Variants in VPS13B observed in about 807,000 individuals in gnomAD.
The protein encoded by VPS13B is intermembrane lipid transfer protein VPS13B.
Under a neutral mutation model 426.4 loss-of-function variants are expected in VPS13B, and 285 were observed. The observed-to-expected ratio is 0.67, with a 90% CI of 0.61 to 0.74. The LOEUF is 0.74. Ranked by LOEUF, VPS13B falls within the 30% of genes least tolerant of loss-of-function variation. The pLI is 0.00. For synonymous variants in VPS13B, 1,676 were observed against 1,676.4 expected, an observed-to-expected ratio of 1.00 and a Z score of 0.01; for missense variants, 4,537 against 4,782.6, an observed-to-expected ratio of 0.95 and a Z score of 1.51.
At chr8:99,633,731 C>T (rs1178592370) in intron 33 of VPS13B, among the ~76,000 whole-genome samples, 2 of 151,114 alleles carry the variant, frequency 1.3e-5, no homozygotes, top group East Asian at 1.9e-4. Flanking sequence ...ACATCATGGC[C>T]ATTTCAAAGC....
intron 21 of VPS13B, among the ~76,000 whole-genome samples, chr8:99,416,283 G>A (rs779568040): frequency 7.2e-5 from 11 of 152,150 alleles, no homozygotes; most frequent in Non-Finnish European, 7.3e-5. Context: ...AAGCTCCAGA[G>A]TTCCAGCTTG....
At chr8:99,249,015 C>T (rs193232904) in intron 17 of VPS13B, among the ~76,000 whole-genome samples, 232 of 152,270 alleles carry the variant, frequency 1.5e-3, no homozygotes, top group African/African-American at 5.1e-3. Context: ...AAAAATACCC[C>T]ATAGCTTCTA....
chr8:99,120,541 T>A (rs1847886053), intron 7 of VPS13B: 1 of 152,198 alleles, frequency 6.6e-6, no homozygotes, highest in South Asian at 2.1e-4. Flanking sequence ...TTGGCTATAA[T>A]TTTTTCAGCT....
At chr8:99,419,346 C>T (rs1472436469) in intron 21 of VPS13B, among the ~76,000 whole-genome samples, 1 of 152,180 alleles carries the variant, frequency 6.6e-6, no homozygotes, top group African/African-American at 2.4e-5. Flanking sequence ...GTCAATTAAA[C>T]CTCTTGTCTT....
intron 56 of VPS13B, among the ~76,000 whole-genome samples, chr8:99,857,281 C>T (rs1437835897): frequency 6.6e-6 from 1 of 152,212 alleles, no homozygotes; most frequent in Non-Finnish European, 1.5e-5. Flanking sequence ...TCTCTACGCC[C>T]ACGGCACCGA....
chr8:99,253,949 C>T (rs1817628544), intron 17 of VPS13B, among the ~76,000 whole-genome samples: 1 of 152,116 alleles, frequency 6.6e-6, no homozygotes, highest in Non-Finnish European at 1.5e-5. Context: ...TAACTCATTA[C>T]AGTTTACTGA....
At chr8:99,239,981 T>G (rs1816835899) in intron 17 of VPS13B, among the ~76,000 whole-genome samples, 2 of 152,190 alleles carry the variant, frequency 1.3e-5, no homozygotes, top group Admixed American at 1.3e-4. Flanking sequence ...TGTATCAGAT[T>G]AATGTAACTT....
At chr8:99,833,386 C>T (rs1186173203) in intron 52 of VPS13B, among the ~76,000 whole-genome samples, 6 of 152,114 alleles carry the variant, frequency 3.9e-5, no homozygotes, top group East Asian at 1.9e-4. Context: ...TGATAAGTAC[C>T]TTATTTTCAT....
chr8:99,388,893 A>C (rs1209699236), intron 20 of VPS13B, among the ~76,000 whole-genome samples: 1 of 152,100 alleles, frequency 6.6e-6, no homozygotes, highest in African/African-American at 2.4e-5. Flanking sequence ...GCTCACGCCT[A>C]TAATCCCAGC....
intron 19 of VPS13B, among the ~76,000 whole-genome samples, chr8:99,315,515 G>A (rs920709121): frequency 3.3e-5 from 5 of 149,362 alleles, no homozygotes; most frequent in African/African-American, 1.2e-4. Flanking sequence ...TTTGGTAAAT[G>A]TCTCATTCAA....
chr8:99,156,275 T>C (rs1451769677), intron 14 of VPS13B, among the ~76,000 whole-genome samples: 2 of 152,190 alleles, frequency 1.3e-5, no homozygotes, highest in Non-Finnish European at 2.9e-5. Flanking sequence ...GTCGTGATAC[T>C]ATTCCAGTTG....
At chr8:99,343,815 T>C (rs552701699) in intron 19 of VPS13B, among the ~76,000 whole-genome samples, 9 of 152,092 alleles carry the variant, frequency 5.9e-5, no homozygotes, top group South Asian at 4.1e-4. Context: ...ATGAAAGAAA[T>C]GGAAGAAAAC....
At chr8:99,697,501 G>T in intron 35 of VPS13B, 2 of 738,318 alleles carry the variant, frequency 2.7e-6, no homozygotes, top group Non-Finnish European at 5.0e-6. Flanking sequence ...AGCAGAAGTC[G>T]CTCACCAAAG....
chr8:99,625,190 G>A (rs1828558549), intron 33 of VPS13B, among the ~76,000 whole-genome samples: 1 of 151,748 alleles, frequency 6.6e-6, no homozygotes. Flanking sequence ...CTTCTGCTAG[G>A]GTAACTATGT....
intron 19 of VPS13B, among the ~76,000 whole-genome samples, chr8:99,328,169 ATCTAGGC>A (rs776995336): frequency 7.2e-4 from 110 of 152,268 alleles, no homozygotes; most frequent in Non-Finnish European, 1.4e-3. Flanking sequence ...CATGCAAGGG[ATCTAGGC>A]TGCACGCTCC....
At chr8:99,337,861 C>CA (rs1286240652) in intron 19 of VPS13B, among the ~76,000 whole-genome samples, 2 of 151,832 alleles carry the variant, frequency 1.3e-5, no homozygotes, top group African/African-American at 2.4e-5. Context: ...TTCTATGATT[C>CA]AAAAAATCAA....
At chr8:99,056,246 A>G (rs553967881) in intron 3 of VPS13B, among the ~76,000 whole-genome samples, 1 of 151,854 alleles carries the variant, frequency 6.6e-6, no homozygotes, top group East Asian at 1.9e-4. Flanking sequence ...GTTTTTGTAG[A>G]CATGGGTTTT....
At chr8:99,076,612 C>CTTTTT (rs71273161) in intron 3 of VPS13B, among the ~76,000 whole-genome samples, 1 of 139,738 alleles carries the variant, frequency 7.2e-6, no homozygotes, top group African/African-American at 2.6e-5. Context: ...ATGACTTTGT[C>CTTTTT]TTTTTTTTTT....
intron 19 of VPS13B, among the ~76,000 whole-genome samples, chr8:99,364,083 G>A (rs1318503941): frequency 6.6e-6 from 1 of 152,152 alleles, no homozygotes; most frequent in Non-Finnish European, 1.5e-5. Flanking sequence ...CATTCAGTAT[G>A]ATACTAGCTG....
Sources: gnomAD v4.1 joint callset for allele counts (sites outside exome capture counted in the v4.1 genomes callset) on GRCh38, gnomAD v4.1.1 for gene constraint, MANE v1.5 for transcripts, NCBI Gene and HGNC (gene_info 2026-07-23, HGNC 2026-07-21) for gene names.